The following CARS2 variants were observed in gnomAD, a reference collection of about 807,000 sequenced individuals.
The protein encoded by CARS2 is probable cysteine--tRNA ligase, mitochondrial.
In CARS2, 52 loss-of-function variants were observed where a neutral mutation model predicts 68.8. The observed-to-expected ratio is 0.76, with a 90% CI of 0.61 to 0.95. The LOEUF (loss-of-function observed/expected upper bound fraction) is 0.95. Among genes scored for constraint, CARS2 ranks in the 40% least tolerant of loss-of-function variants. CARS2 has a pLI of 0.00. For missense variants in CARS2, 780 were observed against 754.2 expected (o/e 1.03, Z -0.40); for synonymous variants, 314 against 303.6 (o/e 1.03, Z -0.36).
chr13:110,675,161 G>A (rs914534151), intron 7 of CARS2, among the ~76,000 whole-genome samples: 1 of 152,078 alleles, frequency 6.6e-6, no homozygotes, highest in Non-Finnish European at 1.5e-5. Flanking sequence ...GATTCCTCAG[G>A]GATCTAGAAC....
chr13:110,700,972 C>A (rs574961669), intron 3 of CARS2, among the ~76,000 whole-genome samples: 2 of 152,358 alleles, frequency 1.3e-5, no homozygotes, highest in South Asian at 4.1e-4. Flanking sequence ...CCCTGCTAAC[C>A]CAGCACTGTT....
intron 12 of CARS2, chr13:110,645,454 G>A (rs1373160104): frequency 6.6e-6 from 1 of 152,336 alleles, no homozygotes; most frequent in Non-Finnish European, 1.5e-5. Context: ...CCTGGCAGGG[G>A]ACCCTCAGAC....
chr13:110,670,118 C>T lies in CARS2; in HGVS notation c.786-2645G>A, dbSNP rs1040952873. Among the ~76,000 whole-genome samples the T allele has an allele frequency of 2.6e-5, 4 of 152,222 alleles. No homozygotes were observed. The highest frequency in any genetic ancestry group is 4.8e-5 in the African/African-American group (2 of 41,448). ...AAGGAGGCCTGCCCACCTCTGTAGA[C>T]TCCACCTCTGGGGACAGGGCATAGC... On this transcript the variant is annotated intron_variant, in intron 7 of 14. Coordinates refer to ENST00000257347, the MANE Select transcript of CARS2 (RefSeq NM_024537.4). The surrounding 1 kb of genome is among the most constrained non-coding windows in gnomAD (Gnocchi z 4.1).
intron 5 of CARS2, among the ~76,000 whole-genome samples, chr13:110,684,053 A>G (rs535496072): frequency 4.9e-4 from 74 of 152,258 alleles, no homozygotes; most frequent in Non-Finnish European, 8.7e-4. Flanking sequence ...TCAAGAAGAA[A>G]GCACTACCAA....
At chr13:110,642,887 G>T in intron 13 of CARS2, 2 of 484,826 alleles carry the variant, frequency 4.1e-6, no homozygotes, top group East Asian at 4.6e-5. Flanking sequence ...TGAGGCTGGG[G>T]GGCAGCGACT....
intron 9 of CARS2, among the ~76,000 whole-genome samples, chr13:110,656,618 CTCACGCCTGTAAGCCCAG>C (rs1566664054): frequency 6.6e-6 from 1 of 152,032 alleles, no homozygotes; most frequent in East Asian, 1.9e-4. Flanking sequence ...GGCGTGGTGG[CTCACGCCTGTAAGCCCAG>C]CACTTTGGGA....
At chr13:110,649,322 G>A (rs926983984) in intron 10 of CARS2, 4 of 152,316 alleles carry the variant, frequency 2.6e-5, no homozygotes, top group African/African-American at 4.8e-5. Context: ...GAAAGCCAAC[G>A]ACGTGGCGTC....
At chr13:110,701,628 A>T in intron 2 of CARS2, 73 bp from the exon 3 acceptor site, 1 of 783,860 alleles carries the variant, frequency 1.3e-6, no homozygotes, top group Non-Finnish European at 2.3e-6. Context: ...AATCCATTAC[A>T]TTTTAACATG....
At chr13:110,663,601 A>G in intron 8 of CARS2, 83 bp from the exon 9 acceptor site, 1 of 1,567,886 alleles carries the variant, frequency 6.4e-7, no homozygotes. Context: ...CCAGGAAACG[A>G]ATGGGAACCT....
intron 3 of CARS2, among the ~76,000 whole-genome samples, chr13:110,698,677 C>A (rs1316759455): frequency 6.6e-6 from 1 of 151,808 alleles, no homozygotes; most frequent in African/African-American, 2.4e-5. Context: ...CCGTGAGGGC[C>A]CCACCCTCTT....
chr13:110,694,009 A>G (rs2063550313), intron 3 of CARS2, among the ~76,000 whole-genome samples: 1 of 151,830 alleles, frequency 6.6e-6, no homozygotes, highest in Non-Finnish European at 1.5e-5. Flanking sequence ...CATATATAAT[A>G]ATTTTTCGGT....
chr13:110,666,946 G>T, intron 8 of CARS2: 1 of 985,434 alleles, frequency 1.0e-6, no homozygotes, highest in South Asian at 4.7e-5. Flanking sequence ...TCATCAGTTA[G>T]GTGTTTGAAC....
At chr13:110,644,082 C>T (rs1030371234) in intron 13 of CARS2, 1 of 1,302,132 alleles carries the variant, frequency 7.7e-7, no homozygotes, top group Non-Finnish European at 1.0e-6. Flanking sequence ...GTGACTTCTG[C>T]ACATTCTGAG....
At chr13:110,648,236 A>G (rs1888401310) in intron 10 of CARS2, 1 of 152,244 alleles carries the variant, frequency 6.6e-6, no homozygotes, top group Admixed American at 6.5e-5. Flanking sequence ...CCAGAAACCC[A>G]CAAAGCGATC....
In CARS2 at chr13:110,705,444, G is replaced by A; in HGVS notation, c.275+77C>T. 12 of 1,030,458 alleles carry A rather than the reference G, an allele frequency of 1.2e-5. No individual in the cohort carries two copies. The highest frequency in any genetic ancestry group is 1.7e-5 in the Non-Finnish European group (12 of 691,062). The allele number at this position is 1,030,458 out of a possible 1,614,324, so 63.8% of individuals were successfully genotyped here. On this transcript the variant is annotated intron_variant, in intron 2 of 14. Transcript: ENST00000257347. The surrounding 1 kb of genome is among the most constrained non-coding windows in gnomAD (Gnocchi z 4.0). ...TGCATCCCTAAGTTGCCACTTAAGA[G>A]ATAAAAGAAATCAGCAAAAGGCTTT...
chr13:110,647,253 G>A lies in CARS2; in HGVS notation c.1055-14C>T. On this transcript the variant is annotated splice_polypyrimidine_tract_variant and intron_variant, in intron 10 of 14. Transcript: ENST00000257347. The stretch of plus-strand genomic sequence containing the variant: ...TGTAGTCGATGGCTGAGGAGGAAGA[G>A]ATGGTCACTGAGGCGGTGCCCACCA... 6.2e-7 allele frequency: 1 copy of A among 1,609,750 alleles called. No individual in the cohort carries two copies. The highest frequency in any genetic ancestry group is 8.5e-7 in the Non-Finnish European group (1 of 1,177,516).
chr13:110,667,985 T>C (rs572705570), intron 7 of CARS2, among the ~76,000 whole-genome samples: 1 of 152,250 alleles, frequency 6.6e-6, no homozygotes, highest in East Asian at 1.9e-4. Context: ...AAAAAATTAA[T>C]GGGGTTGATG....
intron 7 of CARS2, among the ~76,000 whole-genome samples, chr13:110,671,226 A>G (rs186972222): frequency 6.6e-6 from 1 of 152,206 alleles, no homozygotes; most frequent in Admixed American, 6.5e-5. Flanking sequence ...CCACAGAGAT[A>G]CTCCTCGAGA....
intron 1 of CARS2, chr13:110,712,918 G>C (rs755435853): frequency 6.4e-7 from 1 of 1,552,692 alleles, no homozygotes; most frequent in African/African-American, 1.4e-5. Context: ...GGCGGTGACG[G>C]ATGGCGCAGG....
Sources: allele counts gnomAD v4.1 joint callset (sites outside exome capture counted in the v4.1 genomes callset), GRCh38; gene constraint gnomAD v4.1.1; non-coding constraint Gnocchi (gnomAD v3.1); transcripts MANE v1.5; gene names NCBI Gene and HGNC (gene_info 2026-07-23, HGNC 2026-07-21).